TBX18: variants seen among roughly 807,000 people sequenced by gnomAD.
The protein encoded by TBX18 is T-box transcription factor TBX18.
In TBX18, 21 loss-of-function variants were observed where a neutral mutation model predicts 55.0. The ratio of observed to expected loss-of-function variants is 0.38; its 90% CI spans 0.27 to 0.55. The LOEUF is 0.55. TBX18 is among the 20% of genes least tolerant of loss of function. TBX18 has a pLI of 0.73. For missense variants in TBX18, 840 were observed against 799.6 expected (o/e 1.05, Z -0.61); for synonymous variants, 342 against 326.1 (o/e 1.05, Z -0.53).
chr6:84,757,159 G>C, intron 3 of TBX18, among the ~76,000 whole-genome samples: 1 of 152,110 alleles, frequency 6.6e-6, no homozygotes, highest in East Asian at 1.9e-4. Context: ...ATTCACCCTA[G>C]ACATTCCATC....
intron 3 of TBX18, among the ~76,000 whole-genome samples, chr6:84,759,065 C>G (rs191511663): frequency 1.1e-4 from 16 of 152,188 alleles, no homozygotes; most frequent in Admixed American, 8.5e-4. Flanking sequence ...TTCCTCAGCA[C>G]AAAACCCCAT....
chr6:84,763,021 T>TGGGCCTCCGCA, intron 1 of TBX18: 1 of 542,222 alleles, frequency 1.8e-6, no homozygotes. Context: ...CCCCACCCGC[T>TGGGCCTCCGCA]GGGCCTCCGC....
intron 4 of TBX18, among the ~76,000 whole-genome samples, chr6:84,752,818 A>G: frequency 6.6e-6 from 1 of 152,184 alleles, no homozygotes; most frequent in Non-Finnish European, 1.5e-5. Flanking sequence ...GTCTTCCCAC[A>G]GGTCCCACTG....
chr6:84,750,129 C>CA, intron 4 of TBX18, among the ~76,000 whole-genome samples: 1 of 151,784 alleles, frequency 6.6e-6, no homozygotes. Context: ...ACTAAAAATA[C>CA]AAAAAATTAG....
At chr6:84,738,811 C>G (rs1456682137) in intron 6 of TBX18, among the ~76,000 whole-genome samples, 2 of 152,082 alleles carry the variant, frequency 1.3e-5, no homozygotes, top group Non-Finnish European at 2.9e-5. Flanking sequence ...ACCCAAGATG[C>G]CTGTTAATGT....
chr6:84,748,050 A>G lies in TBX18; in HGVS notation c.809T>C (p.Val270Ala), dbSNP rs1253238360. Residue 270 changes from valine to alanine, a missense_variant, in exon 5 of 8, where the codon GTG becomes GCG. Val to Ala is a moderately conservative substitution (Grantham distance 64, BLOSUM62 0). Transcript: ENST00000369663. ...TCCACAGTCTTTACGGATGACGTGC[A>G]CTCGCGGTTGGTATTTGTGCATAGA... ...LHSMHKYQPR[V>A]HVIRKDCGDD... The G allele has an allele frequency of 8.1e-6, 13 of 1,612,876 alleles. No homozygotes were observed. The highest frequency in any genetic ancestry group is 6.7e-5 in the East Asian group (3 of 44,872).
chr6:84,743,958 A>C (rs1444531864), intron 6 of TBX18, among the ~76,000 whole-genome samples: 1 of 152,202 alleles, frequency 6.6e-6, no homozygotes, highest in Non-Finnish European at 1.5e-5. Flanking sequence ...AGGATATTTA[A>C]TTAGGATACT....
Position 84,756,690 on chromosome 6 carries a change from C to G in TBX18, c.771+8G>C. 6.2e-7 allele frequency: 1 copy of G among 1,612,582 alleles called. No individual in the cohort carries two copies. Among genetic ancestry groups the G allele is most frequent in the Non-Finnish European group, 8.5e-7 (1 of 1,179,040 alleles). On this transcript the variant is annotated splice_region_variant and intron_variant, in intron 4 of 7. Transcript: ENST00000369663. Reference sequence around the variant, plus strand: ...TCTACAGATGCATTAGAGAGGCCATCTACTCACATGGCCTTGGTCATCCAG... The same window carrying G: ...TCTACAGATGCATTAGAGAGGCCATGTACTCACATGGCCTTGGTCATCCAG...
intron 5 of TBX18, among the ~76,000 whole-genome samples, chr6:84,745,630 T>C (rs1582070891): frequency 6.6e-6 from 1 of 152,174 alleles, no homozygotes; most frequent in South Asian, 2.1e-4. Flanking sequence ...CACTCTGTCA[T>C]TGAAGGAATT....
chr6:84,738,656 C>T, intron 6 of TBX18, 65 bp from the exon 7 acceptor site: 6 of 1,220,786 alleles, frequency 4.9e-6, no homozygotes, highest in Non-Finnish European at 7.3e-6. Flanking sequence ...TTGGATCTTT[C>T]ACCAGCAGCA....
At chr6:84,746,562 TA>T (rs1767197158) in intron 5 of TBX18, among the ~76,000 whole-genome samples, 1 of 146,866 alleles carries the variant, frequency 6.8e-6, no homozygotes, top group Non-Finnish European at 1.5e-5. Context: ...TATTTATAAT[TA>T]TATACATTAT....
intron 6 of TBX18, chr6:84,741,170 G>T (rs934362727): frequency 6.6e-6 from 1 of 152,142 alleles, no homozygotes; most frequent in Non-Finnish European, 1.5e-5. Flanking sequence ...TTTTTAAAAA[G>T]CCTTCATTTT....
At chr6:84,762,770 A>G in intron 1 of TBX18, 22 bp from the exon 2 acceptor site, 1 of 1,574,616 alleles carries the variant, frequency 6.4e-7, no homozygotes, top group Non-Finnish European at 8.6e-7. Flanking sequence ...AGGACAGAGA[A>G]AGGGAACTGG....
intron 6 of TBX18, chr6:84,741,223 A>G (rs996581761): frequency 1.3e-5 from 2 of 152,238 alleles, no homozygotes; most frequent in Non-Finnish European, 2.9e-5. Context: ...AAGAAAAGAT[A>G]AAAGGCACCT....
chr6:84,763,698 C>G (rs11967139), intron 1 of TBX18, among the ~76,000 whole-genome samples, 192 bp downstream of exon 1: 11,698 of 152,116 alleles, frequency 0.077, 1,502 homozygotes, highest in African/African-American at 0.27. Flanking sequence ...GCGAGGCGAG[C>G]CTGGAAGCAG....
intron 4 of TBX18, among the ~76,000 whole-genome samples, chr6:84,751,481 A>G (rs1209896248): frequency 6.6e-6 from 1 of 152,230 alleles, no homozygotes; most frequent in Admixed American, 6.5e-5. Flanking sequence ...AGTATTATCT[A>G]TAAGAACTTT....
intron 4 of TBX18, among the ~76,000 whole-genome samples, chr6:84,749,396 A>C (rs766140121): frequency 6.6e-6 from 1 of 152,188 alleles, no homozygotes; most frequent in African/African-American, 2.4e-5. Flanking sequence ...GGTCAGCCCA[A>C]ACACAGATTG....
intron 1 of TBX18, 51 bp downstream of exon 1, chr6:84,763,839 A>C: frequency 6.9e-7 from 1 of 1,442,140 alleles, no homozygotes; most frequent in Non-Finnish European, 9.1e-7. Context: ...GACTCGCAGA[A>C]GTTCAGGTTC....
Position 84,732,670 on chromosome 6 carries a change from T to C in TBX18, c.*4015A>G, listed in dbSNP as rs1054104127. ...ATTCACTATAAAGTAGCAAATACGT[T>C]ACTAAGTATAGCTTCCTTCTGATAT... On this transcript the variant is annotated 3_prime_UTR_variant, in exon 8 of 8. Coordinates refer to ENST00000369663, the MANE Select transcript of TBX18 (RefSeq NM_001080508.3). 1.3e-4 allele frequency: 20 copies of C among 152,072 alleles called. No individual in the cohort carries two copies. The highest frequency in any genetic ancestry group is 4.6e-4 in the African/African-American group (19 of 41,428). The allele number at this position is 152,072 out of a possible 1,614,324, so 9.4% of individuals were successfully genotyped here.
Sources: allele counts gnomAD v4.1 joint callset (sites outside exome capture counted in the v4.1 genomes callset), GRCh38; gene constraint gnomAD v4.1.1; transcripts MANE v1.5; gene names NCBI Gene and HGNC (gene_info 2026-07-23, HGNC 2026-07-21).